ASAP2: variants seen among roughly 807,000 people sequenced by gnomAD.
ASAP2 encodes arf-GAP with SH3 domain, ANK repeat and PH domain-containing protein 2.
A neutral mutation model predicts 131.4 loss-of-function variants in ASAP2; 45 were observed. The observed-to-expected ratio is 0.34, with a 90% CI of 0.27 to 0.44. ASAP2 has a LOEUF of 0.44. ASAP2 is among the 20% of genes least tolerant of loss of function. The probability of loss-of-function intolerance (pLI) is 1.00; values close to 1 mark genes in which losing one functional copy is unlikely to be tolerated. For missense variants in ASAP2, 1,011 were observed against 1,297.0 expected, an observed-to-expected ratio of 0.78 and a Z score of 3.39; for synonymous variants, 510 against 503.0, an observed-to-expected ratio of 1.01 and a Z score of -0.19.
intron 11 of ASAP2, chr2:9,350,567 G>C (rs1028742889): frequency 5.1e-6 from 2 of 392,690 alleles, no homozygotes; most frequent in African/African-American, 4.0e-5. Context: ...CTCTTGTCCA[G>C]GTGGGTTTGT....
intron 2 of ASAP2, 96 bp from the exon 3 acceptor site, chr2:9,297,203 GC>G: frequency 7.0e-7 from 1 of 1,428,076 alleles, no homozygotes; most frequent in Non-Finnish European, 9.5e-7. Flanking sequence ...TTTTTCTTCT[GC>G]TGATGTGTTC....
intron 7 of ASAP2, among the ~76,000 whole-genome samples, chr2:9,332,020 C>G (rs976631746): frequency 6.6e-6 from 1 of 152,046 alleles, no homozygotes; most frequent in Non-Finnish European, 1.5e-5. Flanking sequence ...GGGGCCCTGG[C>G]ACGGTGTGTG....
intron 16 of ASAP2, among the ~76,000 whole-genome samples, chr2:9,370,116 A>G (rs753963221): frequency 1.5e-4 from 23 of 152,158 alleles, no homozygotes; most frequent in Non-Finnish European, 2.9e-4. Context: ...GGGATTACAG[A>G]CATGAGCCAC....
At chr2:9,294,314 A>C (rs1057497004) in intron 2 of ASAP2, among the ~76,000 whole-genome samples, 8 of 152,072 alleles carry the variant, frequency 5.3e-5, no homozygotes, top group Non-Finnish European at 1.2e-4. Context: ...TTTTTTTAAA[A>C]AGAAAAAAAC....
rs1359343330 is a variant in ASAP2, at chr2:9,260,016, C to A, written c.127-19301C>A. On this transcript the variant is annotated intron_variant, in intron 1 of 27. Transcript: ENST00000281419. ...CTCTGTGGTTGAGGAACCCCACTTACAAGGCCCCAGGCAGGCTGGCCTCTC... is the reference window on the plus strand; with the variant it reads ...CTCTGTGGTTGAGGAACCCCACTTAAAAGGCCCCAGGCAGGCTGGCCTCTC... Among the ~76,000 whole-genome samples the A allele has an allele frequency of 3.5e-5, 5 of 141,474 alleles. No individual in the cohort carries two copies. The East Asian group carries it at 7.8e-4, about 22-fold the overall frequency. 92.8% of individuals were successfully genotyped at this position (141,474 alleles called of 152,430 possible).
At chr2:9,331,364 T>C (rs1297541563) in intron 7 of ASAP2, among the ~76,000 whole-genome samples, 1 of 152,252 alleles carries the variant, frequency 6.6e-6, no homozygotes, top group East Asian at 1.9e-4. Flanking sequence ...TCTACCTCTT[T>C]CCTGGAATAT....
chr2:9,267,233 T>C (rs1666004788), intron 1 of ASAP2, among the ~76,000 whole-genome samples: 1 of 152,144 alleles, frequency 6.6e-6, no homozygotes, highest in African/African-American at 2.4e-5. Flanking sequence ...TGGGGCATGA[T>C]TGATCCCATC....
Position 9,401,398 on chromosome 2 carries a change from T to TCCTG in ASAP2, c.2946+2_2946+3insCCTG. On this transcript the variant is annotated splice_region_variant and intron_variant, in intron 27 of 27. Coordinates refer to ENST00000281419, the MANE Select transcript of ASAP2 (RefSeq NM_003887.3). ...GGGGAGGAGGACCAGGAGTGGTGGG[T>TCCTG]GAGTCAAGGGTGGGCCTGGGAGGTT... 1 of 1,612,728 alleles carries TCCTG rather than the reference T, an allele frequency of 6.2e-7. No homozygotes were observed. The highest frequency in any genetic ancestry group is 8.5e-7 in the Non-Finnish European group (1 of 1,179,586).
intron 2 of ASAP2, among the ~76,000 whole-genome samples, chr2:9,291,812 C>G (rs1247062130): frequency 6.6e-6 from 1 of 152,028 alleles, no homozygotes; most frequent in African/African-American, 2.4e-5. Context: ...GCTGGTGCAC[C>G]CTGCCTTCGT....
At chr2:9,294,437 C>G (rs76635501) in intron 2 of ASAP2, among the ~76,000 whole-genome samples, 5,970 of 152,168 alleles carry the variant, frequency 0.039, 286 homozygotes, top group African/African-American at 0.11. Context: ...AAGGCCGGCT[C>G]CTCTCTCCTA....
At chr2:9,233,716 C>G (rs1663332571) in intron 1 of ASAP2, among the ~76,000 whole-genome samples, 1 of 152,204 alleles carries the variant, frequency 6.6e-6, no homozygotes, top group African/African-American at 2.4e-5. Flanking sequence ...TTATATTGCA[C>G]TTACTGTGTG....
chr2:9,288,101 T>C (rs908674022), intron 2 of ASAP2, among the ~76,000 whole-genome samples: 5 of 152,130 alleles, frequency 3.3e-5, no homozygotes, highest in Non-Finnish European at 7.4e-5. Context: ...GAAGGCTGTT[T>C]TGGATGATCC....
chr2:9,239,445 A>G (rs777443162), intron 1 of ASAP2, among the ~76,000 whole-genome samples: 12 of 92,918 alleles, frequency 1.3e-4, no homozygotes, highest in African/African-American at 2.8e-4. Flanking sequence ...GAATGAAATC[A>G]TGTGTGTGGT....
intron 1 of ASAP2, among the ~76,000 whole-genome samples, chr2:9,249,149 C>T (rs544455726): frequency 6.6e-6 from 1 of 152,360 alleles, no homozygotes; most frequent in East Asian, 1.9e-4. Context: ...TGGAGCTAGG[C>T]TGGCCCTCTT....
chr2:9,314,091 C>T (rs777304170), intron 3 of ASAP2, among the ~76,000 whole-genome samples: 1 of 152,244 alleles, frequency 6.6e-6, no homozygotes, highest in Non-Finnish European at 1.5e-5. Flanking sequence ...TCAAGTGATT[C>T]TCCTGCCTCA....
intron 1 of ASAP2, among the ~76,000 whole-genome samples, chr2:9,249,245 A>G (rs1456679589): frequency 6.6e-6 from 1 of 152,204 alleles, no homozygotes; most frequent in Non-Finnish European, 1.5e-5. Context: ...TTTAGCCTCA[A>G]ACTCCACCTT....
Position 9,388,236 on chromosome 2 carries a change from A to G in ASAP2, c.2131-58A>G, listed in dbSNP as rs536023609. The G allele has an allele frequency of 1.9e-4, 309 of 1,599,094 alleles. No individual in the cohort carries two copies. The African/African-American group carries it at 3.9e-3, about 20-fold the overall frequency. On this transcript the variant is annotated intron_variant, in intron 21 of 27. Transcript: ENST00000281419. The stretch of plus-strand genomic sequence containing the variant: ...GGTTTTCACCCCTGTGTTGAATGTT[A>G]TCACCAGGAGCAGTTCATATTTGTC...
chr2:9,255,873 G>C (rs966851523), intron 1 of ASAP2, among the ~76,000 whole-genome samples: 2 of 152,166 alleles, frequency 1.3e-5, no homozygotes, highest in East Asian at 1.9e-4. Context: ...CATTGGGCTG[G>C]GGGGCACAAG....
At chr2:9,329,902 C>T (rs1441668131) in intron 7 of ASAP2, among the ~76,000 whole-genome samples, 1 of 152,216 alleles carries the variant, frequency 6.6e-6, no homozygotes, top group African/African-American at 2.4e-5. Flanking sequence ...GATGCTTCTT[C>T]CTTTTGGAAT....
Sources: allele counts gnomAD v4.1 joint callset (sites outside exome capture counted in the v4.1 genomes callset), GRCh38; gene constraint gnomAD v4.1.1; transcripts MANE v1.5; gene names NCBI Gene and HGNC (gene_info 2026-07-23, HGNC 2026-07-21).